Variants in MLPH observed in about 807,000 individuals in gnomAD.
MLPH encodes the protein melanophilin.
MLPH carries 51 observed loss-of-function variants against 72.1 expected under a neutral mutation model. The observed-to-expected ratio is 0.71, with a 90% CI of 0.56 to 0.89. The LOEUF is 0.89. Among genes scored for constraint, MLPH ranks in the 40% least tolerant of loss-of-function variants. The pLI is 0.00. For missense variants in MLPH, 743 were observed against 759.9 expected (o/e 0.98, Z 0.26); for synonymous variants, 301 against 310.1 (o/e 0.97, Z 0.31).
chr2:237,538,830 C>G (rs4627514), intron 9 of MLPH, among the ~76,000 whole-genome samples: 15,096 of 152,194 alleles, frequency 0.099, 1,739 homozygotes, highest in African/African-American at 0.28. Context: ...GAGGAAGGTA[C>G]AGAAAAATAA....
At chr2:237,514,589 T>C (rs994367053) in intron 4 of MLPH, among the ~76,000 whole-genome samples, 4 of 152,054 alleles carry the variant, frequency 2.6e-5, no homozygotes, top group African/African-American at 9.7e-5. Context: ...CAGGAGAAGG[T>C]CAGAGAGAAA....
intron 15 of MLPH, 129 bp downstream of exon 15, chr2:237,552,566 A>G: frequency 2.6e-6 from 2 of 766,854 alleles, no homozygotes; most frequent in East Asian, 5.4e-5. Context: ...CCTGAGAATC[A>G]AAGCAAAAAG....
intron 9 of MLPH, among the ~76,000 whole-genome samples, chr2:237,535,110 C>A (rs954400219): frequency 6.6e-6 from 1 of 152,142 alleles, no homozygotes; most frequent in Non-Finnish European, 1.5e-5. Flanking sequence ...ATGTATTTGG[C>A]TCATGGTTCT....
At chr2:237,531,447 G>A (rs188343186) in intron 8 of MLPH, among the ~76,000 whole-genome samples, 1 of 151,634 alleles carries the variant, frequency 6.6e-6, no homozygotes, top group East Asian at 1.9e-4. Context: ...TAGTCTCCTA[G>A]CCTGAAGACA....
chr2:237,497,687 C>T (rs533588284), intron 2 of MLPH, among the ~76,000 whole-genome samples: 8 of 147,480 alleles, frequency 5.4e-5, no homozygotes, highest in Non-Finnish European at 1.0e-4. Context: ...CATGATGAAA[C>T]GGAAGATAAC....
intron 13 of MLPH, among the ~76,000 whole-genome samples, chr2:237,548,784 C>T (rs1043306575): frequency 2.0e-5 from 3 of 152,162 alleles, no homozygotes; most frequent in Non-Finnish European, 2.9e-5. Context: ...GAGACTGAGG[C>T]GAGAGAATGG....
Position 237,553,607 on chromosome 2 carries a change from GAGAC to G in MLPH, c.*19_*22del. On this transcript the variant is annotated 3_prime_UTR_variant, in exon 16 of 16. Coordinates refer to ENST00000264605, the MANE Select transcript of MLPH (RefSeq NM_024101.7). Reference sequence around the variant, plus strand: ...ACCAGTCCTAACGGGACAGGACAGAGAGACAGAGCAGCCCTGCACTGTTTTCCCT... The same window carrying G: ...ACCAGTCCTAACGGGACAGGACAGAGAGAGCAGCCCTGCACTGTTTTCCCT... The G allele has an allele frequency of 6.2e-7, 1 of 1,614,226 alleles. No individual in the cohort carries two copies. Among genetic ancestry groups the G allele is most frequent in the Non-Finnish European group, 8.5e-7 (1 of 1,180,036 alleles).
At chr2:237,552,006 G>A in intron 14 of MLPH, 2 of 204,888 alleles carry the variant, frequency 9.8e-6, no homozygotes, top group Non-Finnish European at 9.7e-6. Context: ...GAACAAAAAA[G>A]AAAAGAAAGT....
Position 237,512,999 on chromosome 2 carries a change from C to A in MLPH, c.445+1898C>A, listed in dbSNP as rs998508667. On this transcript the variant is annotated intron_variant, in intron 4 of 15. Coordinates refer to ENST00000264605, the MANE Select transcript of MLPH (RefSeq NM_024101.7). The surrounding 1 kb of genome is among the most constrained non-coding windows in gnomAD (Gnocchi z 5.5). ...GAACTTGGATTCCCAGCAGCTCCCC[C>A]AAGCGCCCACAGGGGCTGCATTCCT... 2.0e-5 allele frequency among the ~76,000 whole-genome samples: 3 copies of A among 151,986 alleles called. No homozygotes were observed. Among genetic ancestry groups the A allele is most frequent in the Admixed American group, 2.0e-4 (3 of 15,264 alleles).
At chr2:237,526,302 G>A (rs181279739) in intron 7 of MLPH, among the ~76,000 whole-genome samples, 3 of 152,272 alleles carry the variant, frequency 2.0e-5, no homozygotes, top group Non-Finnish European at 4.4e-5. Flanking sequence ...GGTACCCCAA[G>A]GGTGTATGTA....
chr2:237,541,525 G>T lies in MLPH; in HGVS notation c.1446+568G>T, dbSNP rs951174692. On this transcript the variant is annotated intron_variant, in intron 11 of 15. Coordinates refer to ENST00000264605, the MANE Select transcript of MLPH (RefSeq NM_024101.7). The surrounding 1 kb of genome is among the most constrained non-coding windows in gnomAD (Gnocchi z 5.1). ...GACTGTGAGGACAGCCAGCCCCCAC[G>T]GCCCTCCTCCACTTCCCTTCTCATC... Among the ~76,000 whole-genome samples, 2 of 152,150 alleles carry T rather than the reference G, an allele frequency of 1.3e-5. No homozygotes were observed. Among genetic ancestry groups the T allele is most frequent in the Non-Finnish European group, 2.9e-5 (2 of 68,026 alleles).
chr2:237,518,351 A>G, intron 4 of MLPH, 188 bp from the exon 5 acceptor site: 1 of 683,422 alleles, frequency 1.5e-6, no homozygotes, highest in Non-Finnish European at 2.7e-6. Context: ...AAATAGGGGG[A>G]TGGGTGGATT....
chr2:237,523,243 A>T (rs1186300214), intron 6 of MLPH, among the ~76,000 whole-genome samples: 1 of 152,200 alleles, frequency 6.6e-6, no homozygotes, highest in Non-Finnish European at 1.5e-5. Flanking sequence ...GATGACTGTA[A>T]TGATGAAGGC....
In MLPH at chr2:237,518,444, G is replaced by A. The variant is rs1293227478; in HGVS notation, c.446-95G>A. On this transcript the variant is annotated intron_variant, in intron 4 of 15. Transcript: ENST00000264605. ...AGGAGGGAGGGATGGGCAGGTAGAT[G>A]GATAGATTAGTGGATGGATGGGTGG... The A allele has an allele frequency of 5.1e-6, 5 of 984,418 alleles. No homozygotes were observed. The Middle Eastern group carries it at 6.2e-4, about 121-fold the overall frequency. 61.0% of individuals were successfully genotyped at this position (984,418 alleles called of 1,614,324 possible). A position where few individuals can be genotyped will look rare whatever the true frequency, so the allele number is the denominator to read the frequency against.
chr2:237,540,196 A>G, intron 9 of MLPH, 152 bp from the exon 10 acceptor site: 1 of 842,870 alleles, frequency 1.2e-6, no homozygotes, highest in Admixed American at 2.5e-5. Flanking sequence ...CCAGAGGGGC[A>G]TGTTGGACAA....
intron 14 of MLPH, among the ~76,000 whole-genome samples, chr2:237,549,563 G>A (rs1004157130): frequency 1.3e-5 from 2 of 152,188 alleles, no homozygotes; most frequent in African/African-American, 4.8e-5. Context: ...GTCCTAACGT[G>A]GTACACAGTT....
intron 4 of MLPH, among the ~76,000 whole-genome samples, chr2:237,516,942 T>TGGATGG (rs1559350576): frequency 8.1e-6 from 1 of 123,760 alleles, no homozygotes; most frequent in African/African-American, 2.9e-5. Context: ...GATGGATGGA[T>TGGATGG]AGGTGGATAG....
At position 237,525,784 on chromosome 2, in the gene MLPH, C is replaced by T. The variant is rs758051571; in HGVS notation, c.859C>T (p.Leu287=). The change falls in exon 7 of 16, where the codon CTG becomes TTG. Residue 287 remains leucine, a synonymous_variant. Transcript: ENST00000264605. The stretch of plus-strand genomic sequence containing the variant: ...GCCTGGAGGCTCCCACAGGATGGCC[C>T]TGGGGACTGCTGCTGCACTCGGTAG... ...CPPGGSHRMA[L]GTAAALGSNV... is the part of the protein sequence containing the mutation. 2 of 1,613,054 alleles carry T rather than the reference C, an allele frequency of 1.2e-6. No homozygotes were observed. Among genetic ancestry groups the T allele is most frequent in the Non-Finnish European group, 1.7e-6 (2 of 1,180,020 alleles).
At position 237,542,677 on chromosome 2, in the gene MLPH, G is replaced by GTGAGTGGAGACAGTGC; in HGVS notation, c.1539+26_1539+41dup. 2 of 1,537,948 alleles carry GTGAGTGGAGACAGTGC rather than the reference G, an allele frequency of 1.3e-6. No individual in the cohort carries two copies. Among genetic ancestry groups the GTGAGTGGAGACAGTGC allele is most frequent in the Non-Finnish European group, 1.8e-6 (2 of 1,136,938 alleles). ...ACCTCCCGGTGAGTGGGGGGCAGTG[G>GTGAGTGGAGACAGTGC]TGAGTGGAGACAGTGCTGAGTGGGG... On this transcript the variant is annotated intron_variant, in intron 12 of 15. Transcript: ENST00000264605.
Sources: allele counts gnomAD v4.1 joint callset (sites outside exome capture counted in the v4.1 genomes callset), GRCh38; gene constraint gnomAD v4.1.1; non-coding constraint Gnocchi (gnomAD v3.1); transcripts MANE v1.5; gene names NCBI Gene and HGNC (gene_info 2026-07-23, HGNC 2026-07-21).